The following ITGA2 variants were observed in gnomAD, a reference collection of about 807,000 sequenced individuals.
ITGA2 encodes integrin alpha-2.
In ITGA2, 101 loss-of-function variants were observed where a neutral mutation model predicts 146.3. The ratio of observed to expected loss-of-function variants is 0.69; its 90% CI spans 0.59 to 0.81. The LOEUF (loss-of-function observed/expected upper bound fraction) is 0.81. Among genes scored for constraint, ITGA2 ranks in the 40% least tolerant of loss-of-function variants. The pLI is 0.00. For synonymous variants in ITGA2, 477 were observed against 487.1 expected, an observed-to-expected ratio of 0.98 and a Z score of 0.27; for missense variants, 1,281 against 1,402.7, an observed-to-expected ratio of 0.91 and a Z score of 1.39.
chr5:52,991,772 T>A (rs1341716951), intron 1 of ITGA2, among the ~76,000 whole-genome samples: 2 of 152,160 alleles, frequency 1.3e-5, no homozygotes, highest in Non-Finnish European at 2.9e-5. Flanking sequence ...AAGAAGAAAA[T>A]GTACTCATAG....
chr5:53,002,576 C>A (rs904239582), intron 1 of ITGA2, among the ~76,000 whole-genome samples: 1 of 152,140 alleles, frequency 6.6e-6, no homozygotes, highest in African/African-American at 2.4e-5. Context: ...TCCTGCCATG[C>A]CATGGTTAAC....
intron 4 of ITGA2, among the ~76,000 whole-genome samples, chr5:53,047,923 A>C (rs1210043971): frequency 3.3e-5 from 5 of 152,190 alleles, no homozygotes; most frequent in Non-Finnish European, 7.3e-5. Context: ...GTATCTATAG[A>C]CCCATTTAAT....
Position 53,073,134 on chromosome 5 carries a change from G to A in ITGA2, c.2446G>A (p.Val816Ile). 3 of 1,611,628 alleles carry A rather than the reference G, an allele frequency of 1.9e-6. No individual in the cohort carries two copies. Among genetic ancestry groups the A allele is most frequent in the Non-Finnish European group, 2.5e-6 (3 of 1,178,670 alleles). Residue 816 changes from valine (V) to isoleucine (I), a missense_variant, in exon 20 of 30, where the codon GTC becomes ATC. This residue lies in a region of ITGA2 where 475 missense variants were observed against 530.5 expected (regional missense o/e 0.90). Transcript: ENST00000296585. ...IPAAQEQPFI[V>I]SNQNKRLTFS... is the part of the protein sequence containing the mutation. ...TTTTAACAGAGAACAACCCTTTATT[G>A]TCAGCAACCAAAACAAAAGGTTAAC...
At chr5:53,027,840 G>A (rs1211449374) in intron 2 of ITGA2, among the ~76,000 whole-genome samples, 1 of 152,204 alleles carries the variant, frequency 6.6e-6, no homozygotes, top group East Asian at 1.9e-4. Flanking sequence ...CCAGCACTTT[G>A]GGAGGCTGAG....
chr5:53,073,411 G>A lies in ITGA2; in HGVS notation c.2571+152G>A, dbSNP rs556464856. The A allele has an allele frequency of 7.3e-5, 64 of 872,906 alleles. No individual in the cohort carries two copies. In the Middle Eastern group the frequency reaches 1.1e-3, roughly 16 times the overall value. 54.1% of individuals were successfully genotyped at this position (872,906 alleles called of 1,614,324 possible). A position where few individuals can be genotyped will look rare whatever the true frequency, so the allele number is the denominator to read the frequency against. Reference sequence around the variant, plus strand: ...GCTTCCGACTAGTTAAACTGCATGAGAACATAGTCTGGCTCTATATCTAGA... The same window carrying A: ...GCTTCCGACTAGTTAAACTGCATGAAAACATAGTCTGGCTCTATATCTAGA... On this transcript the variant is annotated intron_variant, in intron 20 of 29. Coordinates refer to ENST00000296585, the MANE Select transcript of ITGA2 (RefSeq NM_002203.4).
intron 17 of ITGA2, 79 bp from the exon 18 acceptor site, chr5:53,071,859 A>G (rs1745412681): frequency 1.0e-6 from 1 of 978,116 alleles, no homozygotes; most frequent in Non-Finnish European, 1.6e-6. Context: ...ATTTGGAATC[A>G]TTTTCTTGTT....
intron 1 of ITGA2, among the ~76,000 whole-genome samples, chr5:53,014,440 G>A (rs1742304399): frequency 6.6e-6 from 1 of 152,110 alleles, no homozygotes; most frequent in African/African-American, 2.4e-5. Context: ...TGCATCCGAG[G>A]GATAAAACCT....
chr5:53,089,829 T>A, intron 28 of ITGA2, 117 bp from the exon 29 acceptor site: 1 of 762,150 alleles, frequency 1.3e-6, no homozygotes, highest in African/African-American at 1.7e-5. Context: ...CATGAGCAAG[T>A]CTTGTCACCT....
At chr5:52,993,362 G>T (rs558006364) in intron 1 of ITGA2, among the ~76,000 whole-genome samples, 11 of 152,270 alleles carry the variant, frequency 7.2e-5, no homozygotes, top group African/African-American at 2.6e-4. Flanking sequence ...TTTATGGACT[G>T]GGGTTTAGGA....
chr5:52,995,401 A>T lies in ITGA2; in HGVS notation c.64+5869A>T, dbSNP rs112010567. 6.3e-3 allele frequency among the ~76,000 whole-genome samples: 954 copies of T among 152,222 alleles called. 14 individuals carry two copies. Among genetic ancestry groups the T allele is most frequent in the African/African-American group, 0.022 (912 of 41,538 alleles). ...CAGTTGTGAGATGATGGTGGTAAAAACTCAGATAGTGGCAGTAGGGAAAGA... is the reference window on the plus strand; with the variant it reads ...CAGTTGTGAGATGATGGTGGTAAAATCTCAGATAGTGGCAGTAGGGAAAGA... On this transcript the variant is annotated intron_variant, in intron 1 of 29. Coordinates refer to ENST00000296585, the MANE Select transcript of ITGA2 (RefSeq NM_002203.4).
intron 7 of ITGA2, among the ~76,000 whole-genome samples, chr5:53,052,616 A>G (rs1744427637): frequency 6.6e-6 from 1 of 151,914 alleles, no homozygotes; most frequent in Non-Finnish European, 1.5e-5. Context: ...CCACTAGATA[A>G]GCATGACCCT....
chr5:53,046,228 T>G (rs1328380533), intron 4 of ITGA2, among the ~76,000 whole-genome samples: 1 of 150,846 alleles, frequency 6.6e-6, no homozygotes, highest in Non-Finnish European at 1.5e-5. Context: ...AAAAAAAGTC[T>G]TAGACAGCAT....
At chr5:53,024,119 C>T (rs552350165) in intron 1 of ITGA2, among the ~76,000 whole-genome samples, 20 of 152,174 alleles carry the variant, frequency 1.3e-4, no homozygotes, top group South Asian at 4.2e-4. Context: ...GGTGACATTG[C>T]GCAAGAAAGA....
chr5:53,050,547 A>T (rs1744308070), intron 6 of ITGA2, among the ~76,000 whole-genome samples: 1 of 152,048 alleles, frequency 6.6e-6, no homozygotes, highest in Non-Finnish European at 1.5e-5. Flanking sequence ...TGGAACTCAG[A>T]AATCCAGTCC....
chr5:53,061,126 A>G, intron 12 of ITGA2, 80 bp downstream of exon 12: 1 of 1,382,978 alleles, frequency 7.2e-7, no homozygotes, highest in South Asian at 1.2e-5. Flanking sequence ...AGAAATGGAA[A>G]ACAACATGGC....
Position 53,055,591 on chromosome 5 carries a change from T to C in ITGA2, c.833T>C (p.Met278Thr). Residue 278 changes from methionine (M) to threonine (T), a missense_variant, in exon 8 of 30, where the codon ATG becomes ACG. By Grantham distance (81) the Met-to-Thr change is moderately conservative. Around this residue, in one of 3 missense-constraint regions of ITGA2, gnomAD observed 795 missense variants for 841.7 expected, o/e 0.94. Transcript: ENST00000296585. ...GGGCGACGAAGTGCTACGAAAGTAA[T>C]GGTAGTTGTAACTGACGGTGAATCA... ...SGGRRSATKV[M>T]VVVTDGESHD... 6.2e-7 allele frequency: 1 copy of C among 1,613,324 alleles called. No homozygotes were observed. The highest frequency in any genetic ancestry group is 1.3e-5 in the African/African-American group (1 of 75,006).
chr5:53,032,973 T>G (rs183719849), intron 2 of ITGA2, among the ~76,000 whole-genome samples: 89 of 152,162 alleles, frequency 5.8e-4, no homozygotes, highest in South Asian at 1.9e-3. Flanking sequence ...AGAATAAAAG[T>G]AAAGCACTTC....
chr5:53,027,694 TCC>T, intron 2 of ITGA2, among the ~76,000 whole-genome samples: 1 of 152,156 alleles, frequency 6.6e-6, no homozygotes, highest in Non-Finnish European at 1.5e-5. Context: ...GCTCCAACCA[TCC>T]CCACTCACCC....
At position 52,989,558 on chromosome 5, in the gene ITGA2, G is replaced by C. The variant is rs373745362; in HGVS notation, c.64+26G>C. On this transcript the variant is annotated intron_variant, in intron 1 of 29. Coordinates refer to ENST00000296585, the MANE Select transcript of ITGA2 (RefSeq NM_002203.4). ...GTAAGCGGGGATTTCGCTCTGCATC[G>C]GCTGCAGGAGGGACCCGCGCGGCTT... is the stretch of plus-strand genomic sequence containing the variant. The C allele has an allele frequency of 1.6e-4, 266 of 1,613,352 alleles. 1 individual carries two copies. Among genetic ancestry groups the C allele is most frequent in the Non-Finnish European group, 1.8e-4 (218 of 1,179,512 alleles).
Sources: allele counts gnomAD v4.1 joint callset (sites outside exome capture counted in the v4.1 genomes callset), GRCh38; gene constraint gnomAD v4.1.1; regional missense constraint gnomAD v4.1.1; transcripts MANE v1.5; gene names NCBI Gene and HGNC (gene_info 2026-07-23, HGNC 2026-07-21).